Variants in TNNI3K observed in about 807,000 individuals in gnomAD.
TNNI3K encodes serine/threonine-protein kinase TNNI3K.
Under a neutral mutation model 114.5 loss-of-function variants are expected in TNNI3K, and 140 were observed. That is an observed-to-expected ratio of 1.22 (90% CI 1.07 to 1.41). The LOEUF (loss-of-function observed/expected upper bound fraction) is 1.41, where lower values mean the gene tolerates loss of function less well. Among genes scored for constraint, TNNI3K ranks in the 40% most tolerant of loss-of-function variants. TNNI3K has a pLI of 0.00. For synonymous variants in TNNI3K, 347 were observed against 347.5 expected, an observed-to-expected ratio of 1.00 and a Z score of 0.02; for missense variants, 1,125 against 1,007.6, an observed-to-expected ratio of 1.12 and a Z score of -1.58.
At chr1:74,523,430 A>G (rs188741363) in intron 23 of TNNI3K, among the ~76,000 whole-genome samples, 1 of 143,012 alleles carries the variant, frequency 7.0e-6, no homozygotes, top group African/African-American at 2.4e-5. Flanking sequence ...TGGCTGATGT[A>G]TAAGATTTTT....
intron 9 of TNNI3K, among the ~76,000 whole-genome samples, 180 bp downstream of exon 9, chr1:74,343,359 T>C (rs1660845138): frequency 6.6e-6 from 1 of 152,200 alleles, no homozygotes; most frequent in Non-Finnish European, 1.5e-5. Context: ...TGGAGGCAGA[T>C]GCTGCAGTCA....
In TNNI3K at chr1:74,359,971, G is replaced by T. The variant is rs193233530; in HGVS notation, c.1177+5842G>T. 2.0e-3 allele frequency among the ~76,000 whole-genome samples: 305 copies of T among 151,940 alleles called. 8 individuals carry two copies. Among genetic ancestry groups the T allele is most frequent in the Admixed American group, 0.02 (299 of 15,232 alleles). The stretch of plus-strand genomic sequence containing the variant: ...ACCATCCACTTTGTCACTTAGGTCA[G>T]AAATCTTGAATGATGCTTGATTACT... On this transcript the variant is annotated intron_variant, in intron 11 of 24. Coordinates refer to ENST00000326637, the MANE Select transcript of TNNI3K (RefSeq NM_015978.3).
intron 17 of TNNI3K, among the ~76,000 whole-genome samples, chr1:74,390,536 C>T (rs1223132780): frequency 1.3e-5 from 2 of 152,038 alleles, no homozygotes; most frequent in African/African-American, 4.8e-5. Context: ...TGTATTTTAA[C>T]GTTTCTTTTT....
At chr1:74,274,852 G>C (rs1162428669) in intron 5 of TNNI3K, among the ~76,000 whole-genome samples, 3 of 152,024 alleles carry the variant, frequency 2.0e-5, no homozygotes, top group Non-Finnish European at 2.9e-5. Flanking sequence ...CTACAGCTGG[G>C]CAAAATCATC....
At chr1:74,507,953 GC>G (rs1283951077) in intron 23 of TNNI3K, among the ~76,000 whole-genome samples, 1 of 152,188 alleles carries the variant, frequency 6.6e-6, no homozygotes, top group Non-Finnish European at 1.5e-5. Flanking sequence ...AACCAAAGAT[GC>G]TGAAAAGCAA....
rs1407002796 is a variant in TNNI3K at position 74,244,649 on chromosome 1, A to G, written c.150-4810A>G. On this transcript the variant is annotated intron_variant, in intron 2 of 24. Transcript: ENST00000326637. ...GATTTTATCTAGTATGTGTATTTCC[A>G]GGACTGATGCATTCAAAGGATCCGG... Among the ~76,000 whole-genome samples the G allele has an allele frequency of 4.0e-5, 6 of 148,946 alleles. No homozygotes were observed. The South Asian group carries it at 1.1e-3, about 27-fold the overall frequency.
At chr1:74,541,951 G>A (rs527242109) in intron 24 of TNNI3K, among the ~76,000 whole-genome samples, 5 of 152,178 alleles carry the variant, frequency 3.3e-5, no homozygotes, top group Admixed American at 2.0e-4. Flanking sequence ...AGCAGAGCTC[G>A]AAAATGGAGA....
At chr1:74,477,516 GA>G (rs1227351806) in intron 21 of TNNI3K, among the ~76,000 whole-genome samples, 1 of 152,126 alleles carries the variant, frequency 6.6e-6, no homozygotes, top group East Asian at 1.9e-4. Context: ...TATTTTAAAT[GA>G]CTAGTGCAGT....
At chr1:74,300,775 C>A (rs1044247215) in intron 5 of TNNI3K, among the ~76,000 whole-genome samples, 2 of 152,022 alleles carry the variant, frequency 1.3e-5, no homozygotes, top group African/African-American at 4.8e-5. Flanking sequence ...TGGAGGCAAA[C>A]AAATTTAAAT....
chr1:74,451,732 TTTCTTTCTTTC>T (rs1356413637), intron 20 of TNNI3K, among the ~76,000 whole-genome samples: 660 of 60,788 alleles, frequency 0.011, 14 homozygotes, highest in African/African-American at 0.038. Flanking sequence ...TCTTTCTTTC[TTTCTTTCTTTC>T]TTTCTTTTCT....
At chr1:74,523,286 T>C (rs1646459401) in intron 23 of TNNI3K, among the ~76,000 whole-genome samples, 2 of 152,228 alleles carry the variant, frequency 1.3e-5, no homozygotes, top group African/African-American at 4.8e-5. Flanking sequence ...ATTATCTCAC[T>C]TGATACCTCA....
chr1:74,376,283 C>T (rs1449145366), intron 17 of TNNI3K, among the ~76,000 whole-genome samples: 2 of 151,980 alleles, frequency 1.3e-5, no homozygotes, highest in South Asian at 4.1e-4. Context: ...GTAAAAAAAA[C>T]ACAACAATTA....
At chr1:74,358,807 A>G (rs1008404005) in intron 11 of TNNI3K, among the ~76,000 whole-genome samples, 1 of 150,938 alleles carries the variant, frequency 6.6e-6, no homozygotes, top group Non-Finnish European at 1.5e-5. Flanking sequence ...GAATGGAAAA[A>G]CCTTCATCAT....
chr1:74,352,232 A>G (rs1440894637), intron 9 of TNNI3K, among the ~76,000 whole-genome samples: 1 of 152,070 alleles, frequency 6.6e-6, no homozygotes, highest in African/African-American at 2.4e-5. Flanking sequence ...CTGGAGGTCC[A>G]CTCCAGACCC....
At chr1:74,261,238 C>T (rs982421308) in intron 4 of TNNI3K, among the ~76,000 whole-genome samples, 1 of 151,648 alleles carries the variant, frequency 6.6e-6, no homozygotes, top group Non-Finnish European at 1.5e-5. Flanking sequence ...CTTTGGCTCA[C>T]ATAAGCTACA....
intron 5 of TNNI3K, among the ~76,000 whole-genome samples, chr1:74,322,232 G>A (rs1294973117): frequency 1.3e-5 from 2 of 152,124 alleles, no homozygotes; most frequent in Admixed American, 1.3e-4. Context: ...TGTTGAATAA[G>A]AGCACAGTTC....
chr1:74,262,770 A>C (rs1655756243), intron 4 of TNNI3K, among the ~76,000 whole-genome samples: 1 of 152,102 alleles, frequency 6.6e-6, no homozygotes, highest in South Asian at 2.1e-4. Flanking sequence ...TTCTCAATAA[A>C]AAGTTAATAG....
At chr1:74,451,690 T>TTCTTTTCTTTTC (rs1553148016) in intron 20 of TNNI3K, among the ~76,000 whole-genome samples, 66 of 39,104 alleles carry the variant, frequency 1.7e-3, no homozygotes, top group African/African-American at 2.5e-3. Flanking sequence ...TTCTTTTCTT[T>TTCTTTTCTTTTC]CTTTCTTTCT....
chr1:74,475,903 G>T (rs1019364612), intron 21 of TNNI3K: 3 of 499,964 alleles, frequency 6.0e-6, no homozygotes, highest in Non-Finnish European at 1.1e-5. Context: ...AAGGTTAATG[G>T]CTTGAAAGAT....
Sources: allele counts gnomAD v4.1 joint callset (sites outside exome capture counted in the v4.1 genomes callset), GRCh38; gene constraint gnomAD v4.1.1; transcripts MANE v1.5; gene names NCBI Gene and HGNC (gene_info 2026-07-23, HGNC 2026-07-21).